The following HDLBP variants were observed in gnomAD, a reference collection of about 807,000 sequenced individuals.
The protein encoded by HDLBP is vigilin.
In HDLBP, 30 loss-of-function variants were observed where a neutral mutation model predicts 137.3. The observed-to-expected ratio is 0.22, with a 90% CI of 0.16 to 0.30. The LOEUF (loss-of-function observed/expected upper bound fraction) is 0.30. HDLBP is among the 10% of genes least tolerant of loss of function. The pLI, the probability that HDLBP is intolerant of heterozygous loss-of-function variation, is 1.00. For missense variants in HDLBP, 1,119 were observed against 1,667.3 expected, an observed-to-expected ratio of 0.67 and a Z score of 5.73; for synonymous variants, 606 against 596.0, an observed-to-expected ratio of 1.02 and a Z score of -0.24.
In HDLBP at chr2:241,240,851, C is replaced by T. The variant is rs905902916; in HGVS notation, c.2170-729G>A. 1.3e-5 allele frequency among the ~76,000 whole-genome samples: 2 copies of T among 152,156 alleles called. No individual in the cohort carries two copies. The highest frequency in any genetic ancestry group is 6.5e-5 in the Admixed American group (1 of 15,272). On this transcript the variant is annotated intron_variant, in intron 17 of 27. Transcript: ENST00000310931. The surrounding 1 kb of genome is among the most constrained non-coding windows in gnomAD (Gnocchi z 5.5). ...GGGCCCCGAGAAGGGCGCTGCTCCA[C>T]GGGACTCAGGTCCACACGGGGAGCT...
At chr2:241,311,264 A>C (rs1254425781) in intron 1 of HDLBP, among the ~76,000 whole-genome samples, 1 of 152,224 alleles carries the variant, frequency 6.6e-6, no homozygotes, top group Non-Finnish European at 1.5e-5. Context: ...ACAACACTGG[A>C]AACTTAGAGA....
chr2:241,230,342 T>C lies in HDLBP; in HGVS notation c.3475-73A>G. On this transcript the variant is annotated intron_variant, in intron 25 of 27. Coordinates refer to ENST00000310931, the MANE Select transcript of HDLBP (RefSeq NM_005336.6). This position sits in a 1 kb window ranked among gnomAD's most constrained non-coding sequence, Gnocchi z 5.0. ...AGGGTTAAAATTATGTGTCAATTTCTAGTGAAGCATTTTCTGAGTTAGCAA... is the reference window on the plus strand; with the variant it reads ...AGGGTTAAAATTATGTGTCAATTTCCAGTGAAGCATTTTCTGAGTTAGCAA... 1.1e-6 allele frequency: 1 copy of C among 939,328 alleles called. No individual in the cohort carries two copies. Among genetic ancestry groups the C allele is most frequent in the South Asian group, 1.6e-5 (1 of 62,882 alleles). 58.2% of individuals were successfully genotyped at this position (939,328 alleles called of 1,614,324 possible).
chr2:241,242,508 C>G lies in HDLBP; in HGVS notation c.2121G>C (p.Ser707=). ...SDTVVIRGPS[S]DVEKAKKQLL... ...GCTGCTTCTTGGCCTTCTCCACATCCGAGGAAGGGCCCCTGATAACAACGG... is the reference window on the plus strand; with the variant it reads ...GCTGCTTCTTGGCCTTCTCCACATCGGAGGAAGGGCCCCTGATAACAACGG... Residue 707 remains serine (S), a synonymous_variant, in exon 17 of 28, where the codon TCG becomes TCC. Transcript: ENST00000310931. 1 of 1,614,146 alleles carries G rather than the reference C, an allele frequency of 6.2e-7. No homozygotes were observed. The highest frequency in any genetic ancestry group is 8.5e-7 in the Non-Finnish European group (1 of 1,180,024).
Position 241,253,458 on chromosome 2 carries a change from G to A in HDLBP, c.1228C>T (p.Leu410=). The A allele has an allele frequency of 6.2e-7, 1 of 1,613,780 alleles. No homozygotes were observed. Among genetic ancestry groups the A allele is most frequent in the African/African-American group, 1.3e-5 (1 of 75,020 alleles). ...TTGACATCCTCTGTAGGGCCCTCCA[G>A]GGTGATCTTGTCTTCGCCCTCTGTG... ...EFTEGEDKIT[L]EGPTEDVNVA... The change falls in exon 10 of 28, where the codon CTG becomes TTG. Residue 410 remains leucine, a synonymous_variant. Coordinates refer to ENST00000310931, the MANE Select transcript of HDLBP (RefSeq NM_005336.6).
intron 1 of HDLBP, among the ~76,000 whole-genome samples, chr2:241,275,446 T>C (rs565551809): frequency 6.6e-6 from 1 of 152,202 alleles, no homozygotes; most frequent in South Asian, 2.1e-4. Context: ...TGAGAAACTC[T>C]AACATATGTC....
At position 241,277,733 on chromosome 2, in the gene HDLBP, G is replaced by A. The variant is rs896006256; in HGVS notation, c.-102-9192C>T. 1.2e-4 allele frequency among the ~76,000 whole-genome samples: 18 copies of A among 151,978 alleles called. 1 individual carries two copies. Among genetic ancestry groups the A allele is most frequent in the South Asian group, 8.3e-4 (4 of 4,802 alleles). Reference sequence around the variant, plus strand: ...TCCCAGCACTTTGGGAGGCCGAGGCGGGCGGATCACCTGAGGTTGGGAGTT... The same window carrying A: ...TCCCAGCACTTTGGGAGGCCGAGGCAGGCGGATCACCTGAGGTTGGGAGTT... On this transcript the variant is annotated intron_variant, in intron 1 of 27. Transcript: ENST00000310931.
At chr2:241,231,309 G>A (rs10933539) in intron 24 of HDLBP, 38 of 167,270 alleles carry the variant, frequency 2.3e-4, no homozygotes, top group South Asian at 1.7e-3. Flanking sequence ...GCTTGAACCC[G>A]GGAGGCGGAG....
rs2070980901 is a variant in HDLBP, at chr2:241,239,490, A to G, written c.2610+112T>C. 2.4e-6 allele frequency: 2 copies of G among 837,586 alleles called. No individual in the cohort carries two copies. Among genetic ancestry groups the G allele is most frequent in the Admixed American group, 4.1e-5 (2 of 48,782 alleles). 51.9% of individuals were successfully genotyped at this position (837,586 alleles called of 1,614,324 possible). On this transcript the variant is annotated intron_variant, in intron 19 of 27. Transcript: ENST00000310931. The surrounding 1 kb of genome is among the most constrained non-coding windows in gnomAD (Gnocchi z 4.6). Reference sequence around the variant, plus strand: ...CAGAAAGCCCCTTCTGAAGCCTTCCAGGGCTGTATGAGGGAGTCACCTCCC... The same window carrying G: ...CAGAAAGCCCCTTCTGAAGCCTTCCGGGGCTGTATGAGGGAGTCACCTCCC...
chr2:241,237,601 A>G (rs1274374833), intron 20 of HDLBP, among the ~76,000 whole-genome samples: 2 of 152,176 alleles, frequency 1.3e-5, no homozygotes, highest in African/African-American at 4.8e-5. Flanking sequence ...ATTAGATACT[A>G]CTGTTATATA....
chr2:241,247,554 G>A (rs1357604133), intron 14 of HDLBP: 3 of 276,402 alleles, frequency 1.1e-5, no homozygotes, highest in South Asian at 5.2e-5. Context: ...TGAAGCCCAC[G>A]GAAATACATG....
At position 241,301,712 on chromosome 2, in the gene HDLBP, G is replaced by A. The variant is rs1366551661; in HGVS notation, c.-103+13858C>T. Among the ~76,000 whole-genome samples, 13 of 151,566 alleles carry A rather than the reference G, an allele frequency of 8.6e-5. No homozygotes were observed. The East Asian group carries it at 1.9e-3, about 23-fold the overall frequency. On this transcript the variant is annotated intron_variant, in intron 1 of 27. Coordinates refer to ENST00000310931, the MANE Select transcript of HDLBP (RefSeq NM_005336.6). Reference sequence around the variant, plus strand: ...CCAAGCAACATGGTTCTCAACTGTCGAATGGTTACAGCAGACAGGCAGAAA... The same window carrying A: ...CCAAGCAACATGGTTCTCAACTGTCAAATGGTTACAGCAGACAGGCAGAAA...
chr2:241,310,108 CAG>C (rs558891372), intron 1 of HDLBP, among the ~76,000 whole-genome samples: 153 of 152,202 alleles, frequency 1.0e-3, no homozygotes, highest in African/African-American at 3.6e-3. Context: ...AAAAAGAAAA[CAG>C]GGAAAAATAA....
At position 241,241,413 on chromosome 2, in the gene HDLBP, A is replaced by G. The variant is rs140022105; in HGVS notation, c.2169+1047T>C. Reference sequence around the variant, plus strand: ...AAACCCCATCTCTACTAAAAATACAAAAAATTAGCTGGGTGAGGTGTCGGG... The same window carrying G: ...AAACCCCATCTCTACTAAAAATACAGAAAATTAGCTGGGTGAGGTGTCGGG... On this transcript the variant is annotated intron_variant, in intron 17 of 27. Coordinates refer to ENST00000310931, the MANE Select transcript of HDLBP (RefSeq NM_005336.6). 5.4e-3 allele frequency among the ~76,000 whole-genome samples: 824 copies of G among 151,876 alleles called. 11 individuals are homozygous for G. The highest frequency in any genetic ancestry group is 0.018 in the African/African-American group (763 of 41,434).
intron 1 of HDLBP, among the ~76,000 whole-genome samples, chr2:241,287,478 C>T (rs1449658626): frequency 6.7e-6 from 1 of 149,692 alleles, no homozygotes; most frequent in Non-Finnish European, 1.5e-5. Context: ...TGGAGTGCAG[C>T]AGCACAATCG....
At chr2:241,306,025 G>C (rs2075560721) in intron 1 of HDLBP, among the ~76,000 whole-genome samples, 1 of 152,046 alleles carries the variant, frequency 6.6e-6, no homozygotes, top group Admixed American at 6.6e-5. Flanking sequence ...CTCCCAAAGT[G>C]CTGGGATGAC....
rs1460389551 is a variant in HDLBP at position 241,240,141 on chromosome 2, C to T, written c.2170-19G>A. On this transcript the variant is annotated intron_variant, in intron 17 of 27. Transcript: ENST00000310931. The surrounding 1 kb of genome is among the most constrained non-coding windows in gnomAD (Gnocchi z 5.5). ...TGGTTTGCTGCAGAAACCAATCCCA[C>T]TGTGTTAGCCTGACACCACGTGCCT... 6.2e-7 allele frequency: 1 copy of T among 1,611,748 alleles called. No homozygotes were observed. The highest frequency in any genetic ancestry group is 2.2e-5 in the East Asian group (1 of 44,884).
In HDLBP at chr2:241,275,655, C is replaced by T. The variant is rs578112245; in HGVS notation, c.-102-7114G>A. On this transcript the variant is annotated intron_variant, in intron 1 of 27. Coordinates refer to ENST00000310931, the MANE Select transcript of HDLBP (RefSeq NM_005336.6). Reference sequence around the variant, plus strand: ...AACACACTACAGAGTAACCTCAGAGCACCAAAGACAAGAGCAGGACCTTAA... The same window carrying T: ...AACACACTACAGAGTAACCTCAGAGTACCAAAGACAAGAGCAGGACCTTAA... Among the ~76,000 whole-genome samples the T allele has an allele frequency of 7.8e-4, 119 of 152,184 alleles. 1 individual carries two copies. The highest frequency in any genetic ancestry group is 2.5e-3 in the African/African-American group (104 of 41,532).
chr2:241,234,521 G>A (rs2070170912), intron 23 of HDLBP, among the ~76,000 whole-genome samples: 1 of 152,166 alleles, frequency 6.6e-6, no homozygotes, highest in Admixed American at 6.5e-5. Context: ...CGGGAGGAGT[G>A]GAAAGCCAAC....
At chr2:241,299,057 G>A (rs969212203) in intron 1 of HDLBP, among the ~76,000 whole-genome samples, 1 of 152,148 alleles carries the variant, frequency 6.6e-6, no homozygotes, top group Non-Finnish European at 1.5e-5. Flanking sequence ...AAGGTGTCTT[G>A]TCTATAAGTA....
Sources: gnomAD v4.1 joint callset for allele counts (sites outside exome capture counted in the v4.1 genomes callset) on GRCh38, gnomAD v4.1.1 for gene constraint, Gnocchi (gnomAD v3.1) non-coding constraint, MANE v1.5 for transcripts, NCBI Gene and HGNC (gene_info 2026-07-23, HGNC 2026-07-21) for gene names.